The following ATG10 variants were observed in gnomAD, a reference collection of about 807,000 sequenced individuals.
The protein encoded by ATG10 is autophagy related 10, also known as ubiquitin-like-conjugating enzyme ATG10.
ATG10 carries 30 observed loss-of-function variants against 32.1 expected under a neutral mutation model. The observed-to-expected ratio is 0.94, with a 90% CI of 0.70 to 1.27. The LOEUF (loss-of-function observed/expected upper bound fraction) is 1.27. Ranked by LOEUF, ATG10 falls within the 50% of genes most tolerant of loss-of-function variation. ATG10 has a pLI of 0.00. For synonymous variants in ATG10, 87 were observed against 91.5 expected (o/e 0.95, Z 0.28); for missense variants, 233 against 262.3 (o/e 0.89, Z 0.77).
intron 2 of ATG10, among the ~76,000 whole-genome samples, chr5:82,038,648 G>A (rs960452518): frequency 3.9e-5 from 6 of 152,152 alleles, no homozygotes; most frequent in South Asian, 2.1e-4. Flanking sequence ...AAGCTCTTCC[G>A]AGCAGAAGCT....
At chr5:82,015,502 A>G (rs1444160452) in intron 2 of ATG10, among the ~76,000 whole-genome samples, 1 of 152,024 alleles carries the variant, frequency 6.6e-6, no homozygotes, top group Non-Finnish European at 1.5e-5. Flanking sequence ...ATAGTCCCAT[A>G]TTTCTTGGAG....
chr5:82,049,215 G>A (rs1309974906), intron 2 of ATG10, among the ~76,000 whole-genome samples: 7 of 151,842 alleles, frequency 4.6e-5, no homozygotes, highest in Non-Finnish European at 7.4e-5. Flanking sequence ...ATACTATGCA[G>A]CCATAAAAAA....
At chr5:82,054,401 C>T (rs946977215) in intron 2 of ATG10, among the ~76,000 whole-genome samples, 10 of 152,244 alleles carry the variant, frequency 6.6e-5, no homozygotes, top group African/African-American at 1.4e-4. Context: ...TTAATGAGCT[C>T]GCAGCTTATG....
Position 82,152,447 on chromosome 5 carries a change from A to G in ATG10, c.217-11952A>G, listed in dbSNP as rs555682342. 6.8e-4 allele frequency among the ~76,000 whole-genome samples: 104 copies of G among 152,364 alleles called. 2 individuals carry two copies. The highest frequency in any genetic ancestry group is 6.6e-3 in the South Asian group (32 of 4,828). ...GTGTGCTCATTTGCCTGCTATTTAC[A>G]TCTGTCACATTTTGAGGTGCTAACT... is the stretch of plus-strand genomic sequence containing the variant. On this transcript the variant is annotated intron_variant, in intron 3 of 7. Transcript: ENST00000282185.
intron 4 of ATG10, among the ~76,000 whole-genome samples, chr5:82,170,710 C>T (rs1208887699): frequency 6.6e-6 from 1 of 152,004 alleles, no homozygotes; most frequent in Non-Finnish European, 1.5e-5. Context: ...CTTTGGGAGG[C>T]CGAGGCTGGC....
intron 2 of ATG10, among the ~76,000 whole-genome samples, chr5:82,034,280 A>C (rs1472650663): frequency 6.6e-6 from 1 of 152,130 alleles, no homozygotes; most frequent in African/African-American, 2.4e-5. Flanking sequence ...CAATTGCTCA[A>C]GACAAAAACC....
At chr5:82,108,195 CT>C (rs1765498960) in intron 3 of ATG10, among the ~76,000 whole-genome samples, 3 of 151,900 alleles carry the variant, frequency 2.0e-5, no homozygotes, top group Admixed American at 1.3e-4. Context: ...GAAAGCTTGC[CT>C]GGAGAACTGA....
intron 2 of ATG10, among the ~76,000 whole-genome samples, chr5:82,002,874 A>G (rs987923900): frequency 1.7e-4 from 26 of 152,374 alleles, no homozygotes; most frequent in African/African-American, 6.0e-4. Flanking sequence ...TGTGTACACC[A>G]GACCCCTGTG....
intron 2 of ATG10, among the ~76,000 whole-genome samples, chr5:82,036,458 G>A (rs1012825744): frequency 6.6e-6 from 1 of 152,120 alleles, no homozygotes; most frequent in African/African-American, 2.4e-5. Context: ...GCCGGGCATA[G>A]TGGCAGGCAC....
intron 2 of ATG10, among the ~76,000 whole-genome samples, chr5:82,048,902 G>GTGC (rs1300454349): frequency 2.0e-5 from 3 of 152,004 alleles, no homozygotes. Context: ...GAGACAACAG[G>GTGC]TGCTGGAGAG....
At chr5:82,028,239 G>T (rs951231267) in intron 2 of ATG10, among the ~76,000 whole-genome samples, 50 of 152,138 alleles carry the variant, frequency 3.3e-4, no homozygotes, top group Non-Finnish European at 1.3e-4. Flanking sequence ...TTTTATTTCA[G>T]ATTGATGAAT....
chr5:81,997,784 A>G (rs1761712304), intron 2 of ATG10, among the ~76,000 whole-genome samples: 1 of 152,230 alleles, frequency 6.6e-6, no homozygotes, highest in Non-Finnish European at 1.5e-5. Context: ...TGAGGAAAGA[A>G]TCTAAGAGCT....
At chr5:82,105,598 G>A (rs1765424180) in intron 3 of ATG10, among the ~76,000 whole-genome samples, 1 of 152,094 alleles carries the variant, frequency 6.6e-6, no homozygotes, top group Non-Finnish European at 1.5e-5. Flanking sequence ...AAAAACAGAA[G>A]CTCAGCATTT....
At chr5:82,199,635 C>A (rs986663089) in intron 5 of ATG10, among the ~76,000 whole-genome samples, 1 of 152,190 alleles carries the variant, frequency 6.6e-6, no homozygotes, top group African/African-American at 2.4e-5. Flanking sequence ...CCGGTTTATT[C>A]ATTTCCTTGC....
At chr5:82,242,193 G>A (rs1283184595) in intron 5 of ATG10, among the ~76,000 whole-genome samples, 1 of 151,956 alleles carries the variant, frequency 6.6e-6, no homozygotes, top group Non-Finnish European at 1.5e-5. Context: ...AGACGACTAT[G>A]GAAAATGATC....
At chr5:82,063,808 T>A (rs1763860434) in intron 3 of ATG10, among the ~76,000 whole-genome samples, 1 of 152,032 alleles carries the variant, frequency 6.6e-6, no homozygotes, top group African/African-American at 2.4e-5. Context: ...GCTAACATTT[T>A]AAAAACTGAG....
At chr5:82,162,073 G>C (rs1241623699) in intron 3 of ATG10, among the ~76,000 whole-genome samples, 1 of 151,976 alleles carries the variant, frequency 6.6e-6, no homozygotes, top group African/African-American at 2.4e-5. Context: ...TTTTATATAT[G>C]TGTGTATATA....
chr5:82,077,278 T>A (rs1316704733), intron 3 of ATG10, among the ~76,000 whole-genome samples: 1 of 152,102 alleles, frequency 6.6e-6, no homozygotes, highest in Non-Finnish European at 1.5e-5. Flanking sequence ...AGCAGTGCAG[T>A]GAGATCATAC....
At chr5:81,998,560 G>A (rs1391673724) in intron 2 of ATG10, among the ~76,000 whole-genome samples, 1 of 152,112 alleles carries the variant, frequency 6.6e-6, no homozygotes, top group African/African-American at 2.4e-5. Flanking sequence ...AATGTAGACA[G>A]GCTAAATGCC....
Sources: allele counts gnomAD v4.1 joint callset (sites outside exome capture counted in the v4.1 genomes callset), GRCh38; gene constraint gnomAD v4.1.1; transcripts MANE v1.5; gene names NCBI Gene and HGNC (gene_info 2026-07-23, HGNC 2026-07-21).